CCDC150: variants seen among roughly 807,000 people sequenced by gnomAD.
CCDC150 encodes the protein coiled-coil domain containing 150.
In CCDC150, 151 loss-of-function variants were observed where a neutral mutation model predicts 156.5. That is an observed-to-expected ratio of 0.97 (90% CI 0.85 to 1.10). The LOEUF is 1.10. CCDC150 is among the 50% of genes least tolerant of loss of function. The pLI is 0.00. For missense variants in CCDC150, 1,312 were observed against 1,268.1 expected (o/e 1.03, Z -0.53); for synonymous variants, 452 against 429.4 (o/e 1.05, Z -0.65).
chr2:196,704,311 G>A (rs1212228184), intron 15 of CCDC150, among the ~76,000 whole-genome samples: 2 of 152,018 alleles, frequency 1.3e-5, no homozygotes, highest in Non-Finnish European at 2.9e-5. Flanking sequence ...ATGTAAATAT[G>A]CCACAATGTA....
chr2:196,710,428 G>A (rs1356789049), intron 15 of CCDC150, among the ~76,000 whole-genome samples: 1 of 152,212 alleles, frequency 6.6e-6, no homozygotes, highest in East Asian at 1.9e-4. Context: ...GGCTAGGAAA[G>A]GGAAATCCCC....
At chr2:196,688,674 T>C (rs900634616) in intron 13 of CCDC150, among the ~76,000 whole-genome samples, 1 of 152,054 alleles carries the variant, frequency 6.6e-6, no homozygotes, top group Non-Finnish European at 1.5e-5. Context: ...GTTGCGAAAA[T>C]TTTCTCCCAT....
chr2:196,677,756 C>T (rs951711456), intron 13 of CCDC150, among the ~76,000 whole-genome samples: 3 of 152,008 alleles, frequency 2.0e-5, no homozygotes, highest in African/African-American at 7.2e-5. Flanking sequence ...TTTGGGAGGC[C>T]AAGGCAGGTG....
chr2:196,658,682 A>G (rs1693371788), intron 4 of CCDC150, 110 bp from the exon 5 acceptor site: 5 of 683,652 alleles, frequency 7.3e-6, no homozygotes, highest in Non-Finnish European at 1.3e-5. Flanking sequence ...CATATTAAAA[A>G]TAGCATTTAT....
chr2:196,725,923 T>A (rs753942985), intron 21 of CCDC150, 50 bp from the exon 22 acceptor site: 6 of 1,529,440 alleles, frequency 3.9e-6, no homozygotes, highest in Non-Finnish European at 5.3e-6. Context: ...CTTTCTTACC[T>A]CCTAAAATGA....
chr2:196,708,642 T>G (rs1429381298), intron 15 of CCDC150, among the ~76,000 whole-genome samples: 1 of 152,240 alleles, frequency 6.6e-6, no homozygotes, highest in African/African-American at 2.4e-5. Flanking sequence ...CAGTGGCTGG[T>G]ACCGGTTGTT....
chr2:196,675,897 A>G lies in CCDC150; in HGVS notation c.1138-246A>G, dbSNP rs192612430. Among the ~76,000 whole-genome samples the G allele has an allele frequency of 2.2e-3, 328 of 152,340 alleles. 2 individuals carry two copies. Among genetic ancestry groups the G allele is most frequent in the African/African-American group, 7.3e-3 (302 of 41,588 alleles). ...ATTAGGAGTTTTATAATTTTTCAGC[A>G]GGCTGGGTAAATAATGCATCTTGAC... On this transcript the variant is annotated intron_variant, in intron 10 of 27. Coordinates refer to ENST00000389175, the MANE Select transcript of CCDC150 (RefSeq NM_001080539.2).
At chr2:196,639,814 T>G (rs1302580004) in intron 1 of CCDC150, 36 bp downstream of exon 1, 2 of 1,565,934 alleles carry the variant, frequency 1.3e-6, no homozygotes, top group Non-Finnish European at 1.7e-6. Flanking sequence ...TGAGGGGTGG[T>G]CGGAGGCTCG....
intron 13 of CCDC150, among the ~76,000 whole-genome samples, chr2:196,693,211 G>A (rs1225596450): frequency 1.3e-5 from 2 of 152,102 alleles, no homozygotes; most frequent in Admixed American, 1.3e-4. Flanking sequence ...AGGTTATATA[G>A]TGTAGCTTGT....
At chr2:196,702,384 G>A in intron 15 of CCDC150, among the ~76,000 whole-genome samples, 1 of 86,648 alleles carries the variant, frequency 1.2e-5, no homozygotes, top group East Asian at 6.3e-4. Flanking sequence ...TGTGAGATGA[G>A]GTCTCACTCT....
Position 196,721,574 on chromosome 2 carries a change from T to C in CCDC150, c.2312T>C (p.Leu771Pro). The C allele has an allele frequency of 2.5e-6, 4 of 1,608,576 alleles. No homozygotes were observed. Among genetic ancestry groups the C allele is most frequent in the Non-Finnish European group, 3.4e-6 (4 of 1,177,788 alleles). The change falls in exon 21 of 28, where the codon CTT (leucine) becomes CCT (proline). Residue 771 changes from leucine to proline, a missense_variant. Physicochemically the swap from Leu to Pro is moderately conservative, Grantham distance 98. Transcript: ENST00000389175. ...GTAGCTAGAGAAGACAACAGGAAACTTGCTATGAGTCTGGAACAAGCTCTC... is the reference window on the plus strand; with the variant it reads ...GTAGCTAGAGAAGACAACAGGAAACCTGCTATGAGTCTGGAACAAGCTCTC... ...LGVAREDNRK[L>P]AMSLEQALQT... is the part of the protein sequence containing the mutation.
intron 10 of CCDC150, 105 bp from the exon 11 acceptor site, chr2:196,676,038 T>C: frequency 9.5e-7 from 1 of 1,053,674 alleles, no homozygotes. Flanking sequence ...TAAATGAAAC[T>C]TGTTTTTTTA....
In CCDC150 at chr2:196,694,659, C is replaced by T. The variant is rs554630143; in HGVS notation, c.1510-387C>T. Reference sequence around the variant, plus strand: ...CGGGCAGATCACAAGGTCAGGAGTTCGAGACCAGCCTGAACAACATGATGA... The same window carrying T: ...CGGGCAGATCACAAGGTCAGGAGTTTGAGACCAGCCTGAACAACATGATGA... On this transcript the variant is annotated intron_variant, in intron 13 of 27. Coordinates refer to ENST00000389175, the MANE Select transcript of CCDC150 (RefSeq NM_001080539.2). Among the ~76,000 whole-genome samples the T allele has an allele frequency of 2.7e-3, 409 of 152,038 alleles. 2 individuals are homozygous for T. Among genetic ancestry groups the T allele is most frequent in the Middle Eastern group, 0.017 (5 of 294 alleles).
At chr2:196,723,770 G>C (rs1286097365) in intron 21 of CCDC150, among the ~76,000 whole-genome samples, 1 of 152,156 alleles carries the variant, frequency 6.6e-6, no homozygotes, top group African/African-American at 2.4e-5. Context: ...TTTGCAACAG[G>C]TATCTACCAA....
rs753714089 is a variant in CCDC150 at position 196,676,573 on chromosome 2, C to T, written c.1282C>T (p.His428Tyr). The stretch of plus-strand genomic sequence containing the variant: ...CTGCAGGGATCATTTAATCCTTGAG[C>T]ATAACCAGTGTATCCAGAAAGCACA... ...QAHLDHLILE[H>Y]NQCIQKAQDA... Residue 428 changes from histidine to tyrosine, a missense_variant, in exon 12 of 28, where the codon CAT (histidine) becomes TAT (tyrosine). By Grantham distance (83) the His-to-Tyr change is moderately conservative. Transcript: ENST00000389175. 55 of 1,612,976 alleles carry T rather than the reference C, an allele frequency of 3.4e-5. 1 individual carries two copies. The South Asian group carries it at 5.1e-4, about 15-fold the overall frequency.
At chr2:196,691,495 A>T (rs1327917044) in intron 13 of CCDC150, among the ~76,000 whole-genome samples, 2 of 152,190 alleles carry the variant, frequency 1.3e-5, no homozygotes, top group Admixed American at 1.3e-4. Context: ...GTTTATGTAC[A>T]TAGAGGTGTT....
chr2:196,721,846 C>T (rs553167380), intron 21 of CCDC150, among the ~76,000 whole-genome samples, 155 bp downstream of exon 21: 59 of 152,284 alleles, frequency 3.9e-4, no homozygotes, highest in African/African-American at 1.4e-3. Context: ...CCAGGCATAC[C>T]TGAGCACCAG....
rs934793392 is a variant in CCDC150, at chr2:196,727,598, A to G, written c.2556+1499A>G. The G allele has an allele frequency of 3.9e-5, 6 of 152,256 alleles. 1 individual carries two copies. In the South Asian group the frequency reaches 8.3e-4, roughly 21 times the overall value. The allele number at this position is 152,256 out of a possible 1,614,324, so 9.4% of individuals were successfully genotyped here. ...AATGGTATATAAAACAATTTTGTGA[A>G]TTGCAAAGCACTATATAAATACAAA... On this transcript the variant is annotated intron_variant, in intron 22 of 27. Coordinates refer to ENST00000389175, the MANE Select transcript of CCDC150 (RefSeq NM_001080539.2).
intron 15 of CCDC150, among the ~76,000 whole-genome samples, chr2:196,710,676 A>C (rs1365336648): frequency 6.6e-6 from 1 of 152,248 alleles, no homozygotes; most frequent in Non-Finnish European, 1.5e-5. Context: ...GGGCATATTA[A>C]ATAGGTACAT....
Sources: gnomAD v4.1 joint callset for allele counts (sites outside exome capture counted in the v4.1 genomes callset) on GRCh38, gnomAD v4.1.1 for gene constraint, MANE v1.5 for transcripts, NCBI Gene and HGNC (gene_info 2026-07-23, HGNC 2026-07-21) for gene names.